MCF2L2: variants seen among roughly 807,000 people sequenced by gnomAD.
MCF2L2 encodes probable guanine nucleotide exchange factor MCF2L2.
In MCF2L2, 102 loss-of-function variants were observed where a neutral mutation model predicts 150.2. The observed-to-expected ratio is 0.68, with a 90% CI of 0.58 to 0.80. The LOEUF (loss-of-function observed/expected upper bound fraction) is 0.80, where lower values mean the gene tolerates loss of function less well. Among genes scored for constraint, MCF2L2 ranks in the 30% least tolerant of loss-of-function variants. The pLI is 0.00. For missense variants in MCF2L2, 1,256 were observed against 1,372.8 expected, an observed-to-expected ratio of 0.91 and a Z score of 1.34; for synonymous variants, 465 against 491.3, an observed-to-expected ratio of 0.95 and a Z score of 0.71.
At chr3:183,317,142 T>C (rs2108514952) in intron 7 of MCF2L2, among the ~76,000 whole-genome samples, 1 of 152,326 alleles carries the variant, frequency 6.6e-6, no homozygotes, top group East Asian at 1.9e-4. Context: ...GTTGAGTTTT[T>C]GGTTTTCCTG....
intron 13 of MCF2L2, among the ~76,000 whole-genome samples, chr3:183,293,679 G>T (rs1577033646): frequency 6.6e-6 from 1 of 152,138 alleles, no homozygotes; most frequent in African/African-American, 2.4e-5. Context: ...ACAGATGTCT[G>T]CTCTCACCAT....
At chr3:183,288,851 TAAATA>T (rs916262279) in intron 14 of MCF2L2, among the ~76,000 whole-genome samples, 1 of 152,290 alleles carries the variant, frequency 6.6e-6, no homozygotes, top group South Asian at 2.1e-4. Context: ...ATTACAGAAA[TAAATA>T]AAATGATTTT....
intron 12 of MCF2L2, 80 bp downstream of exon 12, chr3:183,296,896 C>A: frequency 6.8e-7 from 1 of 1,473,062 alleles, no homozygotes; most frequent in East Asian, 2.3e-5. Flanking sequence ...CCTGTGTGTA[C>A]TTTATCAGGA....
intron 15 of MCF2L2, among the ~76,000 whole-genome samples, chr3:183,275,823 T>C (rs1190346500): frequency 6.6e-6 from 1 of 152,176 alleles, no homozygotes; most frequent in African/African-American, 2.4e-5. Context: ...ACTATGTTGC[T>C]CAGGCTGGTC....
intron 22 of MCF2L2, among the ~76,000 whole-genome samples, chr3:183,211,273 T>G (rs1375199522): frequency 6.6e-6 from 1 of 152,018 alleles, no homozygotes; most frequent in Non-Finnish European, 1.5e-5. Flanking sequence ...TCAGTTCCCA[T>G]CTCCGCGAAC....
At chr3:183,263,723 C>T (rs146698343) in intron 15 of MCF2L2, among the ~76,000 whole-genome samples, 95 of 152,280 alleles carry the variant, frequency 6.2e-4, no homozygotes, top group African/African-American at 2.1e-3. Flanking sequence ...TCTCCATCGC[C>T]TCGAACTCAA....
chr3:183,350,334 A>G (rs1022551600), intron 3 of MCF2L2, among the ~76,000 whole-genome samples: 2 of 152,088 alleles, frequency 1.3e-5, no homozygotes, highest in African/African-American at 4.8e-5. Context: ...CTCTTATTCA[A>G]CAAAGGTATG....
At chr3:183,340,533 T>C (rs1730655975) in intron 4 of MCF2L2, among the ~76,000 whole-genome samples, 1 of 152,120 alleles carries the variant, frequency 6.6e-6, no homozygotes, top group African/African-American at 2.4e-5. Flanking sequence ...AATCAGACTA[T>C]AAGCAAAAGG....
At chr3:183,180,198 T>C (rs1392309263) in intron 27 of MCF2L2, 39 bp from the exon 28 acceptor site, 8 of 1,321,538 alleles carry the variant, frequency 6.1e-6, no homozygotes, top group Non-Finnish European at 8.7e-6. Context: ...CTCTGTGGGG[T>C]GGGAGGACAT....
At chr3:183,288,775 C>T (rs1181088976) in intron 14 of MCF2L2, among the ~76,000 whole-genome samples, 2 of 152,180 alleles carry the variant, frequency 1.3e-5, no homozygotes, top group East Asian at 3.9e-4. Context: ...CCACCGCGCC[C>T]GGCCTGTCAT....
At chr3:183,394,042 T>A (rs564084054) in intron 1 of MCF2L2, among the ~76,000 whole-genome samples, 1 of 152,182 alleles carries the variant, frequency 6.6e-6, no homozygotes, top group South Asian at 2.1e-4. Context: ...AATAAATAAA[T>A]ACCTAGGTTA....
chr3:183,302,850 C>G (rs934799957), intron 10 of MCF2L2, among the ~76,000 whole-genome samples: 5 of 152,164 alleles, frequency 3.3e-5, no homozygotes, highest in African/African-American at 1.2e-4. Flanking sequence ...AATTCTTTAA[C>G]AGCATTATCT....
intron 3 of MCF2L2, among the ~76,000 whole-genome samples, chr3:183,348,409 G>A (rs913025671): frequency 8.6e-5 from 13 of 151,514 alleles, no homozygotes; most frequent in South Asian, 2.1e-4. Flanking sequence ...TCAGTGGGTC[G>A]GGGGTCGGGT....
At chr3:183,324,687 C>G (rs944774854) in intron 5 of MCF2L2, among the ~76,000 whole-genome samples, 3 of 151,812 alleles carry the variant, frequency 2.0e-5, no homozygotes, top group East Asian at 1.9e-4. Context: ...GAGCTGTGAT[C>G]GCATCACTGC....
chr3:183,225,079 C>T (rs1332737363), intron 18 of MCF2L2: 1 of 152,462 alleles, frequency 6.6e-6, no homozygotes, highest in African/African-American at 2.4e-5. Context: ...CCCTGTCCTC[C>T]TGCTCAGCCC....
intron 6 of MCF2L2, among the ~76,000 whole-genome samples, chr3:183,322,849 T>C (rs6773123): frequency 0.14 from 21,918 of 152,110 alleles, 1,739 homozygotes; most frequent in African/African-American, 0.2. Flanking sequence ...TCTGACTTCA[T>C]GGGTGTCAAT....
chr3:183,258,116 C>T (rs546331070), intron 15 of MCF2L2, among the ~76,000 whole-genome samples: 72 of 151,972 alleles, frequency 4.7e-4, no homozygotes, highest in East Asian at 9.7e-4. Flanking sequence ...TACAGGCATG[C>T]TCCACCACAC....
chr3:183,398,442 T>C (rs548557534), intron 1 of MCF2L2, among the ~76,000 whole-genome samples: 77 of 152,152 alleles, frequency 5.1e-4, no homozygotes, highest in African/African-American at 1.7e-3. Flanking sequence ...AATCTATTAA[T>C]CCATTGAAAT....
chr3:183,334,482 A>T (rs1278555333), intron 5 of MCF2L2, among the ~76,000 whole-genome samples: 2 of 152,034 alleles, frequency 1.3e-5, no homozygotes, highest in African/African-American at 4.8e-5. Flanking sequence ...TGTATCACTT[A>T]AGTAGCATAA....
Sources: gnomAD v4.1 joint callset for allele counts (sites outside exome capture counted in the v4.1 genomes callset) on GRCh38, gnomAD v4.1.1 for gene constraint, MANE v1.5 for transcripts, NCBI Gene and HGNC (gene_info 2026-07-23, HGNC 2026-07-21) for gene names.